LRRC4C: variants seen among roughly 807,000 people sequenced by gnomAD.
LRRC4C encodes leucine-rich repeat-containing protein 4C.
A neutral mutation model predicts 33.6 loss-of-function variants in LRRC4C; 5 were observed. The observed-to-expected ratio is 0.15, with a 90% confidence interval of 0.08 to 0.31. The LOEUF (loss-of-function observed/expected upper bound fraction) is 0.31, where lower values mean the gene tolerates loss of function less well. LRRC4C is among the 10% of genes least tolerant of loss of function. LRRC4C has a pLI of 1.00. For synonymous variants in LRRC4C, 329 were observed against 302.0 expected, an observed-to-expected ratio of 1.09 and a Z score of -0.93; for missense variants, 560 against 796.7, an observed-to-expected ratio of 0.70 and a Z score of 3.58.
chr11:40,486,554 G>A (rs956434635), intron 3 of LRRC4C, among the ~76,000 whole-genome samples: 1 of 152,012 alleles, frequency 6.6e-6, no homozygotes, highest in Non-Finnish European at 1.5e-5. Context: ...GGAAATTTCA[G>A]CTTGAACACT....
intron 1 of LRRC4C, among the ~76,000 whole-genome samples, chr11:41,423,334 C>T (rs757833697): frequency 1.8e-4 from 28 of 151,966 alleles, no homozygotes; most frequent in South Asian, 4.1e-4. Context: ...CTGTACATCA[C>T]GCTAGAAAAC....
At chr11:41,307,961 A>C (rs1950547967) in intron 1 of LRRC4C, among the ~76,000 whole-genome samples, 1 of 152,188 alleles carries the variant, frequency 6.6e-6, no homozygotes, top group African/African-American at 2.4e-5. Flanking sequence ...CATCGCCCAC[A>C]TTCAGACTCA....
intron 5 of LRRC4C, among the ~76,000 whole-genome samples, chr11:40,219,449 C>G (rs965710708): frequency 6.6e-6 from 1 of 152,148 alleles, no homozygotes; most frequent in African/African-American, 2.4e-5. Context: ...ATTTTGTTTG[C>G]TGCTTTATCC....
intron 1 of LRRC4C, among the ~76,000 whole-genome samples, chr11:41,169,173 A>G (rs1028979290): frequency 6.6e-6 from 1 of 152,202 alleles, no homozygotes; most frequent in African/African-American, 2.4e-5. Flanking sequence ...TTCCTAGATT[A>G]AGAGAATAAA....
At chr11:41,008,536 C>T (rs574774176) in intron 1 of LRRC4C, among the ~76,000 whole-genome samples, 1 of 152,234 alleles carries the variant, frequency 6.6e-6, no homozygotes, top group African/African-American at 2.4e-5. Context: ...TTCTGCAGAC[C>T]TCCTTCTCAG....
At chr11:40,429,304 C>T (rs1950827221) in intron 3 of LRRC4C, among the ~76,000 whole-genome samples, 1 of 152,248 alleles carries the variant, frequency 6.6e-6, no homozygotes, top group Non-Finnish European at 1.5e-5. Context: ...GAATTCCTGA[C>T]CTCAAGTGAT....
chr11:40,175,853 T>C (rs1860436041), intron 5 of LRRC4C, among the ~76,000 whole-genome samples: 1 of 152,310 alleles, frequency 6.6e-6, no homozygotes, highest in African/African-American at 2.4e-5. Context: ...AGTCATTTAA[T>C]TCTTTTTTTT....
At chr11:40,288,232 T>C (rs552140267) in intron 4 of LRRC4C, among the ~76,000 whole-genome samples, 3 of 152,346 alleles carry the variant, frequency 2.0e-5, no homozygotes, top group African/African-American at 7.2e-5. Flanking sequence ...AAGTTTCACC[T>C]AATTTCTTAT....
chr11:41,086,778 T>A (rs1029933370), intron 1 of LRRC4C, among the ~76,000 whole-genome samples: 16 of 152,096 alleles, frequency 1.1e-4, no homozygotes, highest in African/African-American at 3.9e-4. Context: ...AAGATGTTAT[T>A]AAAAGTTTCA....
intron 2 of LRRC4C, among the ~76,000 whole-genome samples, chr11:40,731,478 G>T (rs1231374211): frequency 6.6e-6 from 1 of 152,064 alleles, no homozygotes; most frequent in Non-Finnish European, 1.5e-5. Flanking sequence ...CTGGTACCAT[G>T]CTTGTACAGC....
At chr11:40,926,577 G>A (rs1411574007) in intron 2 of LRRC4C, among the ~76,000 whole-genome samples, 2 of 152,056 alleles carry the variant, frequency 1.3e-5, no homozygotes, top group Non-Finnish European at 2.9e-5. Context: ...TTTTAATTTG[G>A]TAAATGAATC....
intron 2 of LRRC4C, among the ~76,000 whole-genome samples, chr11:40,703,608 T>C (rs1023722069): frequency 1.3e-5 from 2 of 152,070 alleles, no homozygotes; most frequent in African/African-American, 4.8e-5. Context: ...ACTTGGAGAA[T>C]GATTGAGATA....
chr11:41,204,182 T>C (rs1274823226), intron 1 of LRRC4C, among the ~76,000 whole-genome samples: 1 of 152,168 alleles, frequency 6.6e-6, no homozygotes, highest in Non-Finnish European at 1.5e-5. Flanking sequence ...CTTCTAAAAA[T>C]AGAAGAGCCA....
intron 3 of LRRC4C, among the ~76,000 whole-genome samples, chr11:40,418,681 T>G (rs1045458863): frequency 6.6e-6 from 1 of 152,184 alleles, no homozygotes; most frequent in Admixed American, 6.5e-5. Flanking sequence ...TGCAGCACTA[T>G]TCACAATAGC....
At chr11:40,331,071 ATACT>A (rs1356145420) in intron 3 of LRRC4C, among the ~76,000 whole-genome samples, 1 of 152,194 alleles carries the variant, frequency 6.6e-6, no homozygotes, top group Non-Finnish European at 1.5e-5. Flanking sequence ...AGAACATGTG[ATACT>A]TACTGTGTCT....
At chr11:41,383,766 T>C (rs893967732) in intron 1 of LRRC4C, among the ~76,000 whole-genome samples, 1 of 151,310 alleles carries the variant, frequency 6.6e-6, no homozygotes, top group Non-Finnish European at 1.5e-5. Context: ...TGCCAACAAA[T>C]GTAAATTAAC....
intron 1 of LRRC4C, among the ~76,000 whole-genome samples, chr11:41,247,985 G>A (rs899132364): frequency 6.6e-5 from 10 of 152,092 alleles, no homozygotes; most frequent in African/African-American, 2.4e-4. Context: ...CCCTGGGGGA[G>A]GCAGGGAGCT....
At chr11:41,133,798 C>A (rs1182444740) in intron 1 of LRRC4C, among the ~76,000 whole-genome samples, 1 of 152,154 alleles carries the variant, frequency 6.6e-6, no homozygotes, top group African/African-American at 2.4e-5. Context: ...TTAAAGCATT[C>A]TTTTCTGCAG....
chr11:40,352,733 GA>G (rs1263104182), intron 3 of LRRC4C, among the ~76,000 whole-genome samples: 2 of 152,108 alleles, frequency 1.3e-5, no homozygotes, highest in African/African-American at 4.8e-5. Context: ...TCAGATTGGA[GA>G]ACTCCCTTTA....
Sources: gnomAD v4.1 joint callset for allele counts (sites outside exome capture counted in the v4.1 genomes callset) on GRCh38, gnomAD v4.1.1 for gene constraint, MANE v1.5 for transcripts, NCBI Gene and HGNC (gene_info 2026-07-23, HGNC 2026-07-21) for gene names.